TUBA1C: variants seen among roughly 807,000 people sequenced by gnomAD.
TUBA1C encodes the protein tubulin alpha-1C chain.
A neutral mutation model predicts 34.9 loss-of-function variants in TUBA1C; 16 were observed. The observed-to-expected ratio is 0.46, with a 90% CI of 0.31 to 0.70. The LOEUF (loss-of-function observed/expected upper bound fraction) is 0.70, where lower values mean the gene tolerates loss of function less well. TUBA1C is among the 30% of genes least tolerant of loss of function. The probability of loss-of-function intolerance (pLI) is 0.05; values close to 1 mark genes in which losing one functional copy is unlikely to be tolerated. For synonymous variants in TUBA1C, 177 were observed against 215.9 expected (o/e 0.82, Z 1.58); for missense variants, 329 against 587.3 (o/e 0.56, Z 4.55).
intron 1 of TUBA1C, among the ~76,000 whole-genome samples, chr12:49,249,524 C>T (rs933798125): frequency 1.3e-5 from 2 of 152,032 alleles, no homozygotes; most frequent in Non-Finnish European, 1.5e-5. Flanking sequence ...AAACAGAAAA[C>T]AGCAATATAG....
chr12:49,251,499 G>T (rs978671569), intron 1 of TUBA1C, among the ~76,000 whole-genome samples: 1 of 152,036 alleles, frequency 6.6e-6, no homozygotes. Flanking sequence ...TTATAGGCTG[G>T]GCCTGGTGAC....
intron 1 of TUBA1C, among the ~76,000 whole-genome samples, chr12:49,268,010 G>A (rs998514858): frequency 6.6e-6 from 1 of 152,272 alleles, no homozygotes; most frequent in East Asian, 1.9e-4. Flanking sequence ...TGTGGGTTTG[G>A]TAATTTCTAA....
chr12:49,257,855 G>A, intron 1 of TUBA1C: 1 of 189,338 alleles, frequency 5.3e-6, no homozygotes, highest in South Asian at 5.9e-5. Flanking sequence ...AAAAAAAAAA[G>A]TTTACAATTT....
At chr12:49,227,944 C>T (rs1942457246) in exon 1 of TUBA1C, 1 of 1,535,370 alleles carries the variant, frequency 6.5e-7, no homozygotes. Context: ...AATGGGCGCC[C>T]AGCTCTAAAA....
Position 49,269,926 on chromosome 12 carries a change from A to G in TUBA1C, c.325A>G (p.Thr109Ala), listed in dbSNP as rs760129918. ...AANNYARGHY[T>A]IGKEIIDLVL... ...CAATAACTATGCCCGAGGGCACTAC[A>G]CCATTGGCAAGGAGATCATTGACCT... is the stretch of plus-strand genomic sequence containing the variant. Residue 109 changes from threonine (T) to alanine (A), a missense_variant, in exon 3 of 4, where the codon ACC becomes GCC. By Grantham distance (58) the Thr-to-Ala change is moderately conservative. Around this residue, in one of 4 missense-constraint regions of TUBA1C, gnomAD observed 152 missense variants for 240.3 expected, o/e 0.63. Coordinates refer to ENST00000301072, the MANE Select transcript of TUBA1C (RefSeq NM_032704.5). The G allele has an allele frequency of 1.3e-5, 21 of 1,614,082 alleles. No homozygotes were observed. In the East Asian group the frequency reaches 4.7e-4, roughly 36 times the overall value.
rs561657670 is a variant in TUBA1C at position 49,267,592 on chromosome 12, G to A, written c.4-1873G>A. Reference sequence around the variant, plus strand: ...GAAAATCGCTTGAACCTGGAAGGCGGAGTTTCCACTGCACTCCAGCCTGGG... The same window carrying A: ...GAAAATCGCTTGAACCTGGAAGGCGAAGTTTCCACTGCACTCCAGCCTGGG... On this transcript the variant is annotated intron_variant, in intron 1 of 3. Coordinates refer to ENST00000301072, the MANE Select transcript of TUBA1C (RefSeq NM_032704.5). Among the ~76,000 whole-genome samples the A allele has an allele frequency of 2.6e-5, 4 of 152,298 alleles. No homozygotes were observed. The South Asian group carries it at 8.3e-4, about 32-fold the overall frequency.
intron 3 of TUBA1C, among the ~76,000 whole-genome samples, chr12:49,271,843 A>T (rs1436565469): frequency 2.6e-5 from 4 of 152,362 alleles, no homozygotes; most frequent in African/African-American, 9.6e-5. Flanking sequence ...TGAGCCCTGT[A>T]TGCAAGCCCA....
rs1409082648 is a variant in TUBA1C, at chr12:49,274,196, C to T, written c.*969C>T. 4 of 151,996 alleles carry T rather than the reference C, an allele frequency of 2.6e-5. No individual in the cohort carries two copies. The allele number at this position is 151,996 out of a possible 1,614,324, so 9.4% of individuals were successfully genotyped here. ...TGGCACCATCATAGCTCACCCCCAC[C>T]TTGACCTGGGCTAAGCCATCCTCCC... On this transcript the variant is annotated 3_prime_UTR_variant, in exon 4 of 4. Coordinates refer to ENST00000301072, the MANE Select transcript of TUBA1C (RefSeq NM_032704.5).
In TUBA1C at chr12:49,272,268, G is replaced by A. The variant is rs1943001527; in HGVS notation, c.391G>A (p.Gly131Ser). ...RIRKLADQCTGLQGFLVFHSF... is the reference protein window; with the variant it reads ...RIRKLADQCTSLQGFLVFHSF... ...TATTTTGCAGGCTGACCAGTGCACC[G>A]GTCTTCAGGGCTTCTTGGTTTTCCA... The change falls in exon 4 of 4, where the codon GGT becomes AGT. Residue 131 changes from glycine (G) to serine (S), a missense_variant. Gly to Ser is a moderately conservative substitution (Grantham distance 56, BLOSUM62 0). This residue lies in a region of TUBA1C where 152 missense variants were observed against 240.3 expected (regional missense o/e 0.63). Coordinates refer to ENST00000301072, the MANE Select transcript of TUBA1C (RefSeq NM_032704.5). 1.9e-6 allele frequency: 3 copies of A among 1,611,238 alleles called. No homozygotes were observed. Among genetic ancestry groups the A allele is most frequent in the Non-Finnish European group, 2.5e-6 (3 of 1,178,608 alleles).
chr12:49,264,881 CTGGCT>C (rs1942882529), upstream of TUBA1C: 1 of 185,860 alleles, frequency 5.4e-6, no homozygotes, highest in African/African-American at 2.6e-5. Context: ...CTTCCTGCTC[CTGGCT>C]CCTTCCGACG....
At chr12:49,254,269 C>A (rs1196004631) in intron 1 of TUBA1C, among the ~76,000 whole-genome samples, 2 of 151,856 alleles carry the variant, frequency 1.3e-5, no homozygotes, top group South Asian at 4.2e-4. Flanking sequence ...CAAGATCATG[C>A]CATTGCACTC....
intron 1 of TUBA1C, among the ~76,000 whole-genome samples, chr12:49,238,323 A>C (rs1298256805): frequency 6.6e-6 from 1 of 152,210 alleles, no homozygotes; most frequent in Non-Finnish European, 1.5e-5. Context: ...ATCAACACAG[A>C]ATACTTCTGT....
At chr12:49,241,778 T>C (rs1942619483) in intron 1 of TUBA1C, among the ~76,000 whole-genome samples, 1 of 151,520 alleles carries the variant, frequency 6.6e-6, no homozygotes, top group African/African-American at 2.4e-5. Flanking sequence ...GCCTCCCAAG[T>C]AGCTGGGACT....
At chr12:49,246,259 G>C (rs1942666127) in intron 1 of TUBA1C, among the ~76,000 whole-genome samples, 1 of 150,886 alleles carries the variant, frequency 6.6e-6, no homozygotes, top group Non-Finnish European at 1.5e-5. Flanking sequence ...AAGATTACAG[G>C]CGTGAGCCAC....
intron 1 of TUBA1C, among the ~76,000 whole-genome samples, chr12:49,251,774 T>TAA (rs74892388): frequency 7.5e-6 from 1 of 133,526 alleles, no homozygotes. Flanking sequence ...ACTCGGTATT[T>TAA]AAAAAAAAAA....
chr12:49,245,370 G>T (rs1481072974), intron 1 of TUBA1C, among the ~76,000 whole-genome samples: 1 of 152,176 alleles, frequency 6.6e-6, no homozygotes, highest in Non-Finnish European at 1.5e-5. Flanking sequence ...GGAGGCCAAG[G>T]TGGGAGGATC....
intron 1 of TUBA1C, among the ~76,000 whole-genome samples, chr12:49,251,760 C>A (rs904168913): frequency 2.1e-5 from 3 of 144,320 alleles, no homozygotes; most frequent in Non-Finnish European, 4.5e-5. Context: ...GGCGACAGAG[C>A]GAGACTCGGT....
In TUBA1C at chr12:49,228,167, G is replaced by A. The variant is rs1315153512; in HGVS notation, c.213+1G>A. ...AGGAGAACCTGGCTGTGATTCAAAG[G>A]TAAGGCTGTAATAGTAATGTAATGT... On this transcript the variant is annotated splice_donor_variant, in intron 1 of 3. Coordinates refer to the TUBA1C transcript ENST00000541364. LOFTEE classifies it high-confidence loss of function. 3.9e-6 allele frequency: 6 copies of A among 1,535,532 alleles called. No homozygotes were observed. In the South Asian group the frequency reaches 4.8e-5, roughly 12 times the overall value.
chr12:49,247,004 G>T (rs936520535), intron 1 of TUBA1C, among the ~76,000 whole-genome samples: 1 of 151,328 alleles, frequency 6.6e-6, no homozygotes, highest in Non-Finnish European at 1.5e-5. Context: ...GCCAGGCTTG[G>T]TGGCAGGTAC....
Sources: allele counts gnomAD v4.1 joint callset (sites outside exome capture counted in the v4.1 genomes callset), GRCh38; gene constraint gnomAD v4.1.1; regional missense constraint gnomAD v4.1.1; transcripts MANE v1.5; gene names NCBI Gene and HGNC (gene_info 2026-07-23, HGNC 2026-07-21).